The following OR10C1 variants were observed in gnomAD, a reference collection of about 807,000 sequenced individuals.
The protein encoded by OR10C1 is olfactory receptor 10C1.
For synonymous variants in OR10C1, 183 were observed against 174.4 expected (o/e 1.05, Z -0.39); for missense variants, 388 against 392.1 (o/e 0.99, Z 0.09).
At position 29,440,754 on chromosome 6, in the gene OR10C1, G is replaced by A. The variant is rs1582574278; in HGVS notation, c.739G>A (p.Val247Ile). Residue 247 changes from valine to isoleucine, a missense_variant, in exon 1 of 1, where the codon GTC (valine) becomes ATC (isoleucine). By Grantham distance (29) the Val-to-Ile change is conservative (BLOSUM62 3). Transcript: ENST00000444197. ...CACCTGCTCCTCCCACCTGATCATG[G>A]TCTCCCTCTTCTATGGCACCGCACT... The part of the protein sequence containing the change: ...FSTCSSHLIM[V>I]SLFYGTALFI... The A allele has an allele frequency of 6.2e-7, 1 of 1,613,918 alleles. No individual in the cohort carries two copies. Among genetic ancestry groups the A allele is most frequent in the African/African-American group, 1.3e-5 (1 of 74,892 alleles).
Position 29,440,775 on chromosome 6 carries a change from G to C in OR10C1, c.760G>C (p.Ala254Pro). Residue 254 changes from alanine (A) to proline (P), a missense_variant, in exon 1 of 1, where the codon GCA (alanine) becomes CCA (proline). Physicochemically the swap from Ala to Pro is conservative, Grantham distance 27. Transcript: ENST00000444197. Reference sequence around the variant, plus strand: ...CATGGTCTCCCTCTTCTATGGCACCGCACTCTTTATCTATATTCGCCCTAA... The same window carrying C: ...CATGGTCTCCCTCTTCTATGGCACCCCACTCTTTATCTATATTCGCCCTAA... ...LIMVSLFYGT[A>P]LFIYIRPKAS... is the part of the protein sequence containing the mutation. 1 of 1,613,810 alleles carries C rather than the reference G, an allele frequency of 6.2e-7. No individual in the cohort carries two copies. Among genetic ancestry groups the C allele is most frequent in the Non-Finnish European group, 8.5e-7 (1 of 1,179,780 alleles).
Position 29,440,922 on chromosome 6 carries a change from A to G in OR10C1, c.907A>G (p.Thr303Ala). 1 of 1,612,594 alleles carries G rather than the reference A, an allele frequency of 6.2e-7. No homozygotes were observed. The highest frequency in any genetic ancestry group is 8.5e-7 in the Non-Finnish European group (1 of 1,179,828). ...NTEVKAALKR[T>A]IQKTVPMEI ...AGAGGTCAAAGCTGCCCTAAAGAGA[A>G]CCATCCAGAAAACGGTGCCTATGGA... The change falls in exon 1 of 1, where the codon ACC becomes GCC. Residue 303 changes from threonine (T) to alanine (A), a missense_variant. Transcript: ENST00000444197.
chr6:29,440,711 C>T lies in OR10C1; in HGVS notation c.696C>T (p.Gly232=). Residue 232 remains glycine, a synonymous_variant, in exon 1 of 1, where the codon GGC becomes GGT. Coordinates refer to ENST00000444197, the MANE Select transcript of OR10C1 (RefSeq NM_013941.4). ...TCTTCCGGATCCCATCTGTTGCGGG[C>T]CGCCGCAAGGCCTTCTCCACCTGCT... The part of the protein sequence containing the change: ...VTIFRIPSVA[G]RRKAFSTCSS... 1.2e-6 allele frequency: 2 copies of T among 1,613,826 alleles called. No individual in the cohort carries two copies. Among genetic ancestry groups the T allele is most frequent in the African/African-American group, 2.7e-5 (2 of 75,050 alleles).
In OR10C1 at chr6:29,440,215, C is replaced by T. The variant is rs1455967018; in HGVS notation, c.200C>T (p.Ala67Val). 1 of 1,613,946 alleles carries T rather than the reference C, an allele frequency of 6.2e-7. No individual in the cohort carries two copies. Among genetic ancestry groups the T allele is most frequent in the Non-Finnish European group, 8.5e-7 (1 of 1,180,018 alleles). ...PMYFFLRTLSALEIGYTSVTV... is the reference protein window; with the variant it reads ...PMYFFLRTLSVLEIGYTSVTV... ...TACTTCTTCCTGCGCACCCTCTCGG[C>T]CTTGGAGATTGGCTATACGTCTGTC... Residue 67 changes from alanine (A) to valine (V), a missense_variant, in exon 1 of 1, where the codon GCC (alanine) becomes GTC (valine). Physicochemically the swap from Ala to Val is moderately conservative, Grantham distance 64. Coordinates refer to ENST00000444197, the MANE Select transcript of OR10C1 (RefSeq NM_013941.4).
Position 29,440,890 on chromosome 6 carries a change from G to A in OR10C1, c.875G>A (p.Arg292Gln), listed in dbSNP as rs766276149. Residue 292 changes from arginine to glutamine, a missense_variant, in exon 1 of 1, where the codon CGG becomes CAG. Arg to Gln is a conservative substitution (Grantham distance 43, BLOSUM62 1). Coordinates refer to ENST00000444197, the MANE Select transcript of OR10C1 (RefSeq NM_013941.4). ...CTCAACCCCATCATCTACAGCCTGC[G>A]GAACACAGAGGTCAAAGCTGCCCTA... ...PILNPIIYSL[R>Q]NTEVKAALKR... The A allele has an allele frequency of 8.7e-6, 14 of 1,613,582 alleles. No homozygotes were observed. Among genetic ancestry groups the A allele is most frequent in the East Asian group, 4.5e-5 (2 of 44,882 alleles).
Position 29,439,772 on chromosome 6 carries a change from T to A in OR10C1, c.-244T>A, listed in dbSNP as rs906548667. 2 of 562,460 alleles carry A rather than the reference T, an allele frequency of 3.6e-6. No homozygotes were observed. Among genetic ancestry groups the A allele is most frequent in the East Asian group, 2.9e-5 (1 of 34,982 alleles). The allele number at this position is 562,460 out of a possible 1,614,324, so 34.8% of individuals were successfully genotyped here. On this transcript the variant is annotated 5_prime_UTR_variant, in exon 1 of 1. It removes an upstream start codon present in the reference 5' UTR. Coordinates refer to ENST00000444197, the MANE Select transcript of OR10C1 (RefSeq NM_013941.4). ...AATGATAGGCACTATCAGGAAGAGA[T>A]GAAGTCAGGGATTCAGGCTCAGAGA...
Position 29,440,247 on chromosome 6 carries a change from C to T in OR10C1, c.232C>T (p.Pro78Ser), listed in dbSNP as rs1784013901. Residue 78 changes from proline to serine, a missense_variant, in exon 1 of 1, where the codon CCC becomes TCC. Pro to Ser is a moderately conservative substitution (Grantham distance 74). Coordinates refer to ENST00000444197, the MANE Select transcript of OR10C1 (RefSeq NM_013941.4). Reference sequence around the variant, plus strand: ...GATTGGCTATACGTCTGTCACGGTCCCCCTGCTACTTCACCACCTCCTTAC... The same window carrying T: ...GATTGGCTATACGTCTGTCACGGTCTCCCTGCTACTTCACCACCTCCTTAC... ...LEIGYTSVTV[P>S]LLLHHLLTGR... 1 of 1,613,876 alleles carries T rather than the reference C, an allele frequency of 6.2e-7. No homozygotes were observed. The highest frequency in any genetic ancestry group is 1.3e-5 in the African/African-American group (1 of 74,920).
At position 29,440,485 on chromosome 6, in the gene OR10C1, G is replaced by T. The variant is rs746579893; in HGVS notation, c.470G>T (p.Gly157Val). The part of the protein sequence containing the change: ...AWACGVLVGL[G>V]HTPFIFSLPF... ...GCCTGTGGGGTGCTGGTGGGGCTGG[G>T]CCACACCCCTTTCATCTTCTCTTTG... The change falls in exon 1 of 1, where the codon GGC becomes GTC. Residue 157 changes from glycine to valine, a missense_variant. Physicochemically the swap from Gly to Val is moderately radical, Grantham distance 109. Coordinates refer to ENST00000444197, the MANE Select transcript of OR10C1 (RefSeq NM_013941.4). The T allele has an allele frequency of 7.0e-5, 113 of 1,613,714 alleles. No individual in the cohort carries two copies. Among genetic ancestry groups the T allele is most frequent in the Non-Finnish European group, 9.1e-5 (107 of 1,179,972 alleles).
Position 29,440,591 on chromosome 6 carries a change from G to C in OR10C1, c.576G>C (p.Ser192=). 1 of 1,613,914 alleles carries C rather than the reference G, an allele frequency of 6.2e-7. No individual in the cohort carries two copies. The highest frequency in any genetic ancestry group is 2.2e-5 in the East Asian group (1 of 44,866). Residue 192 remains serine, a synonymous_variant, in exon 1 of 1, where the codon TCG becomes TCC. Transcript: ENST00000444197. The stretch of plus-strand genomic sequence containing the variant: ...TGCAGCTGGTATGTGGAGACACCTC[G>C]CTTAATGAACTGCAGATTATCCTGG... The part of the protein sequence containing the change: ...PVLQLVCGDT[S]LNELQIILAT...
chr6:29,440,826 C>A lies in OR10C1; in HGVS notation c.811C>A (p.Pro271Thr), dbSNP rs200438931. The change falls in exon 1 of 1, where the codon CCT (proline) becomes ACT (threonine). Residue 271 changes from proline to threonine, a missense_variant. Transcript: ENST00000444197. ...PKASYDPATDPLVSLFYAVVT... is the reference protein window; with the variant it reads ...PKASYDPATDTLVSLFYAVVT... ...GGCCAGCTACGATCCGGCCACTGAC[C>A]CTCTGGTGTCCCTCTTCTATGCTGT... 374 of 1,613,792 alleles carry A rather than the reference C, an allele frequency of 2.3e-4. No individual in the cohort carries two copies. Among genetic ancestry groups the A allele is most frequent in the Non-Finnish European group, 3.0e-4 (349 of 1,179,842 alleles).
rs1215726941 is a variant in OR10C1, at chr6:29,440,543, C to A, written c.528C>A (p.Phe176Leu). ...PFCGPNTIPQ[F>L]FCEIQPVLQL... is the part of the protein sequence containing the mutation. ...GCGGCCCCAATACCATCCCGCAGTT[C>A]TTCTGTGAGATCCAGCCTGTCCTGC... Residue 176 changes from phenylalanine (F) to leucine (L), a missense_variant, in exon 1 of 1, where the codon TTC (phenylalanine) becomes TTA (leucine). Transcript: ENST00000444197. 6.2e-7 allele frequency: 1 copy of A among 1,613,822 alleles called. No individual in the cohort carries two copies. Among genetic ancestry groups the A allele is most frequent in the Non-Finnish European group, 8.5e-7 (1 of 1,180,012 alleles).
At position 29,440,184 on chromosome 6, in the gene OR10C1, C is replaced by A. The variant is rs17184016; in HGVS notation, c.169C>A (p.Pro57Thr). The change falls in exon 1 of 1, where the codon CCT becomes ACT. Residue 57 changes from proline (P) to threonine (T), a missense_variant. Physicochemically the swap from Pro to Thr is conservative, Grantham distance 38. Coordinates refer to ENST00000444197, the MANE Select transcript of OR10C1 (RefSeq NM_013941.4). ...CTCCACTGATGCTGCCCTCCAGTCC[C>A]CTATGTACTTCTTCCTGCGCACCCT... ...LVSTDAALQS[P>T]MYFFLRTLSA... is the part of the protein sequence containing the mutation. 1 of 1,613,672 alleles carries A rather than the reference C, an allele frequency of 6.2e-7. No individual in the cohort carries two copies. The highest frequency in any genetic ancestry group is 1.3e-5 in the African/African-American group (1 of 74,904).
chr6:29,439,990 C>G lies in OR10C1; in HGVS notation c.-26C>G. 1.9e-6 allele frequency: 3 copies of G among 1,578,246 alleles called. No homozygotes were observed. Among genetic ancestry groups the G allele is most frequent in the Non-Finnish European group, 1.7e-6 (2 of 1,155,686 alleles). ...GATTTTTCCTTGCCATTTCTTTTGT[C>G]TTCCAGTCAAAGGTATGCAGGCAGG... On this transcript the variant is annotated 5_prime_UTR_variant, in exon 1 of 1. Transcript: ENST00000444197.
rs763775121 is a variant in OR10C1 at position 29,440,315 on chromosome 6, GTTC to G, written c.307_309del (p.Phe103del). ...CTCGCTCTGGATGTGCTCTCCAGAT[GTTC>G]TTCTTCCTCTTCTTTGGCGCCACGG... On this transcript the variant is annotated inframe_deletion, in exon 1 of 1. Transcript: ENST00000444197. 5.0e-6 allele frequency: 8 copies of G among 1,614,108 alleles called. No individual in the cohort carries two copies. Among genetic ancestry groups the G allele is most frequent in the Admixed American group, 3.3e-5 (2 of 60,034 alleles).
chr6:29,439,679 A>G lies in OR10C1; in HGVS notation c.-337A>G. 1 of 302,010 alleles carries G rather than the reference A, an allele frequency of 3.3e-6. No homozygotes were observed. Among genetic ancestry groups the G allele is most frequent in the Non-Finnish European group, 6.1e-6 (1 of 164,772 alleles). 18.7% of individuals were successfully genotyped at this position (302,010 alleles called of 1,614,324 possible). On this transcript the variant is annotated 5_prime_UTR_variant, in exon 1 of 1. Transcript: ENST00000444197. Reference sequence around the variant, plus strand: ...AATTGGAAAATCAGAAAAGAGTGAAAAGGGAGCTAGACTGACTTAATCTTC... The same window carrying G: ...AATTGGAAAATCAGAAAAGAGTGAAGAGGGAGCTAGACTGACTTAATCTTC...
rs1399208278 is a variant in OR10C1, at chr6:29,439,939, T to C, written c.-77T>C. 3.7e-6 allele frequency: 4 copies of C among 1,091,068 alleles called. No homozygotes were observed. The highest frequency in any genetic ancestry group is 5.5e-6 in the Non-Finnish European group (4 of 731,492). The allele number at this position is 1,091,068 out of a possible 1,614,324, so 67.6% of individuals were successfully genotyped here. A position where few individuals can be genotyped will look rare whatever the true frequency, so the allele number is the denominator to read the frequency against. Reference sequence around the variant, plus strand: ...ATCAGATGCAGAGAGAGGTCATCTTTGCCCATTTCACGATTCCATAGTTGT... The same window carrying C: ...ATCAGATGCAGAGAGAGGTCATCTTCGCCCATTTCACGATTCCATAGTTGT... On this transcript the variant is annotated 5_prime_UTR_variant, in exon 1 of 1. Transcript: ENST00000444197.
Position 29,440,775 on chromosome 6 carries a change from G to A in OR10C1, c.760G>A (p.Ala254Thr), listed in dbSNP as rs374582900. ...LIMVSLFYGT[A>T]LFIYIRPKAS... ...CATGGTCTCCCTCTTCTATGGCACC[G>A]CACTCTTTATCTATATTCGCCCTAA... The change falls in exon 1 of 1, where the codon GCA becomes ACA. Residue 254 changes from alanine to threonine, a missense_variant. Physicochemically the swap from Ala to Thr is moderately conservative, Grantham distance 58. Transcript: ENST00000444197. 21 of 1,613,692 alleles carry A rather than the reference G, an allele frequency of 1.3e-5. No individual in the cohort carries two copies. Among genetic ancestry groups the A allele is most frequent in the South Asian group, 3.3e-5 (3 of 91,072 alleles).
rs1335694613 is a variant in OR10C1, at chr6:29,439,481, G to T, written c.-535G>T. ...AACACTGTGAAATTTATGGTAAAAT[G>T]ACAGAAAAAGAAGAAAGACTAAGTG... On this transcript the variant is annotated 5_prime_UTR_variant, in exon 1 of 1. It removes an upstream start codon present in the reference 5' UTR. Coordinates refer to ENST00000444197, the MANE Select transcript of OR10C1 (RefSeq NM_013941.4). The T allele has an allele frequency of 6.5e-6, 1 of 152,866 alleles. No individual in the cohort carries two copies. The allele number at this position is 152,866 out of a possible 1,614,324, so 9.5% of individuals were successfully genotyped here. A position where few individuals can be genotyped will look rare whatever the true frequency, so the allele number is the denominator to read the frequency against.
Position 29,440,324 on chromosome 6 carries a change from C to T in OR10C1, c.309C>T (p.Phe103=). The change falls in exon 1 of 1, where the codon TTC becomes TTT. Residue 103 remains phenylalanine (F), a synonymous_variant. Coordinates refer to ENST00000444197, the MANE Select transcript of OR10C1 (RefSeq NM_013941.4). ...RSGCALQMFF[F]LFFGATECCL... is the part of the protein sequence containing the mutation. ...GATGTGCTCTCCAGATGTTCTTCTT[C>T]CTCTTCTTTGGCGCCACGGAGTGCT... is the stretch of plus-strand genomic sequence containing the variant. The T allele has an allele frequency of 3.7e-6, 6 of 1,614,114 alleles. No individual in the cohort carries two copies. Among genetic ancestry groups the T allele is most frequent in the Non-Finnish European group, 5.1e-6 (6 of 1,180,038 alleles).
Sources: gnomAD v4.1 joint callset for allele counts on GRCh38, gnomAD v4.1.1 for gene constraint, MANE v1.5 for transcripts, NCBI Gene and HGNC (gene_info 2026-07-23, HGNC 2026-07-21) for gene names.